Variants in LMBRD1 observed in about 807,000 individuals in gnomAD.
LMBRD1 encodes the protein LMBR1 domain containing 1.
In LMBRD1, 64 loss-of-function variants were observed where a neutral mutation model predicts 74.8. The observed-to-expected ratio is 0.86, with a 90% CI of 0.70 to 1.05. The LOEUF (loss-of-function observed/expected upper bound fraction) is 1.05. LMBRD1 is among the 50% of genes least tolerant of loss of function. The probability of loss-of-function intolerance (pLI) is 0.00; values close to 1 mark genes in which losing one functional copy is unlikely to be tolerated. For missense variants in LMBRD1, 652 were observed against 645.9 expected, an observed-to-expected ratio of 1.01 and a Z score of -0.10; for synonymous variants, 204 against 216.3, an observed-to-expected ratio of 0.94 and a Z score of 0.50.
At chr6:69,686,565 ACTTT>A (rs1033105809) in intron 14 of LMBRD1, among the ~76,000 whole-genome samples, 5 of 152,186 alleles carry the variant, frequency 3.3e-5, no homozygotes, top group Admixed American at 1.3e-4. Context: ...TTAAACAAAT[ACTTT>A]CTAATTAAAA....
rs9446162 is a variant in LMBRD1, at chr6:69,796,524, C to T, written c.69+289G>A. Among the ~76,000 whole-genome samples the T allele has an allele frequency of 3.5e-3, 539 of 152,304 alleles. 6 individuals are homozygous for T. Among genetic ancestry groups the T allele is most frequent in the African/African-American group, 0.012 (511 of 41,552 alleles). ...CCCGAGGGTCTCTTCCGCCCCCAAA[C>T]CCCACCGGCCCCATTGCCCAAGTCA... On this transcript the variant is annotated intron_variant, in intron 1 of 15. Transcript: ENST00000649934.
intron 3 of LMBRD1, 68 bp from the exon 4 acceptor site, chr6:69,752,424 T>C (rs1047956179): frequency 2.3e-5 from 28 of 1,234,512 alleles, no homozygotes; most frequent in Non-Finnish European, 3.2e-5. Flanking sequence ...TATCTATCTA[T>C]ATGTATATAT....
At chr6:69,694,201 C>T (rs1398477687) in intron 14 of LMBRD1, among the ~76,000 whole-genome samples, 2 of 151,886 alleles carry the variant, frequency 1.3e-5, no homozygotes. Flanking sequence ...TTTTAAAGGC[C>T]CCGTTATCAG....
At chr6:69,710,954 T>C (rs908128255) in intron 9 of LMBRD1, among the ~76,000 whole-genome samples, 66 of 152,178 alleles carry the variant, frequency 4.3e-4, no homozygotes, top group Non-Finnish European at 2.9e-5. Context: ...CTCAAGTATT[T>C]ATCCAAAAGA....
chr6:69,689,620 ATT>A (rs1362511282), intron 14 of LMBRD1, among the ~76,000 whole-genome samples: 1 of 152,056 alleles, frequency 6.6e-6, no homozygotes, highest in Non-Finnish European at 1.5e-5. Flanking sequence ...CAAGAGTGAG[ATT>A]TTCCTAAAGC....
intron 14 of LMBRD1, among the ~76,000 whole-genome samples, chr6:69,687,942 T>C (rs1765798213): frequency 6.6e-6 from 1 of 152,192 alleles, no homozygotes; most frequent in Non-Finnish European, 1.5e-5. Flanking sequence ...CTTAGTTATA[T>C]ACTTTCAGAA....
At chr6:69,757,807 C>T (rs1414962772) in intron 3 of LMBRD1, among the ~76,000 whole-genome samples, 1 of 152,104 alleles carries the variant, frequency 6.6e-6, no homozygotes, top group Non-Finnish European at 1.5e-5. Context: ...ATAAAATATG[C>T]TTTTACTTAT....
chr6:69,728,026 G>C lies in LMBRD1; in HGVS notation c.637-8945C>G, dbSNP rs1422614708. On this transcript the variant is annotated intron_variant, in intron 7 of 15. Coordinates refer to ENST00000649934, the MANE Select transcript of LMBRD1 (RefSeq NM_018368.4). ...TGCTATAAAGAACTACCTGAGACTG[G>C]GTAATTTATAAAGAAAAGAGGTTTA... Among the ~76,000 whole-genome samples the C allele has an allele frequency of 2.0e-5, 3 of 152,112 alleles. No individual in the cohort carries two copies. The East Asian group carries it at 5.8e-4, about 29-fold the overall frequency.
At chr6:69,702,232 C>T (rs992683420) in intron 9 of LMBRD1, among the ~76,000 whole-genome samples, 69 of 151,820 alleles carry the variant, frequency 4.5e-4, no homozygotes, top group African/African-American at 1.5e-3. Flanking sequence ...AATACAAAGT[C>T]TTTATTCTAT....
intron 14 of LMBRD1, among the ~76,000 whole-genome samples, chr6:69,681,161 T>C (rs1342079272): frequency 6.6e-6 from 1 of 151,806 alleles, no homozygotes; most frequent in East Asian, 1.9e-4. Context: ...GGAGGGGGGC[T>C]CAGATAATTT....
intron 2 of LMBRD1, among the ~76,000 whole-genome samples, chr6:69,783,528 C>T (rs1365011647): frequency 2.0e-5 from 3 of 152,062 alleles, no homozygotes; most frequent in Non-Finnish European, 4.4e-5. Flanking sequence ...GTGCATGCCA[C>T]CATGCCCAGC....
intron 3 of LMBRD1, among the ~76,000 whole-genome samples, chr6:69,779,693 G>A (rs1765784315): frequency 6.6e-6 from 1 of 152,186 alleles, no homozygotes; most frequent in South Asian, 2.1e-4. Context: ...ACAAAGAAGT[G>A]TTACAAAGTG....
chr6:69,703,560 C>G (rs905564214), intron 9 of LMBRD1, among the ~76,000 whole-genome samples: 2 of 150,524 alleles, frequency 1.3e-5, no homozygotes, highest in African/African-American at 4.9e-5. Flanking sequence ...AGTGACTTAA[C>G]AGAACACAGA....
rs200639044 is a variant in LMBRD1 at position 69,752,286 on chromosome 6, C to G, written c.378G>C (p.Lys126Asn). 129 of 1,610,474 alleles carry G rather than the reference C, an allele frequency of 8.0e-5. 1 individual carries two copies. In the Admixed American group the frequency reaches 2.1e-3, roughly 26 times the overall value. The change falls in exon 4 of 16, where the codon AAG becomes AAC. Residue 126 changes from lysine to asparagine, a missense_variant. This residue lies in a region of LMBRD1 where 598 missense variants were observed against 581.8 expected (regional missense o/e 1.03). Transcript: ENST00000649934. ...IPFVYFYYEE[K>N]DDDDTSKCTQ... ...TACATTTACTAGTATCATCATCATCCTTTTCTTCATAATAGAAGTAGACAA... is the reference window on the plus strand; with the variant it reads ...TACATTTACTAGTATCATCATCATCGTTTTCTTCATAATAGAAGTAGACAA...
chr6:69,701,596 G>T, intron 10 of LMBRD1, 51 bp from the exon 11 acceptor site: 1 of 1,138,680 alleles, frequency 8.8e-7, no homozygotes, highest in Non-Finnish European at 1.3e-6. Flanking sequence ...CAAATTTTCA[G>T]CAAATTTAGA....
chr6:69,742,007 A>G (rs776907888), intron 5 of LMBRD1, 130 bp from the exon 6 acceptor site: 20 of 595,790 alleles, frequency 3.4e-5, no homozygotes, highest in Non-Finnish European at 5.3e-5. Flanking sequence ...GAGGGGAGTG[A>G]AAAGTTTCTT....
intron 11 of LMBRD1, 70 bp downstream of exon 11, chr6:69,701,373 G>C: frequency 8.1e-6 from 7 of 864,304 alleles, no homozygotes. Flanking sequence ...CAGGATGTCA[G>C]AATGTTTGCT....
At chr6:69,749,619 ATAGT>A (rs1331191670) in intron 4 of LMBRD1, among the ~76,000 whole-genome samples, 2 of 151,738 alleles carry the variant, frequency 1.3e-5, no homozygotes, top group Non-Finnish European at 3.0e-5. Context: ...AATCTTTTCA[ATAGT>A]TAGGCCCTTG....
intron 7 of LMBRD1, among the ~76,000 whole-genome samples, chr6:69,723,326 A>G (rs1344379659): frequency 6.6e-6 from 1 of 152,220 alleles, no homozygotes; most frequent in African/African-American, 2.4e-5. Flanking sequence ...TGGACCTAAT[A>G]GACATTTAAA....
Sources: allele counts gnomAD v4.1 joint callset (sites outside exome capture counted in the v4.1 genomes callset), GRCh38; gene constraint gnomAD v4.1.1; regional missense constraint gnomAD v4.1.1; transcripts MANE v1.5; gene names NCBI Gene and HGNC (gene_info 2026-07-23, HGNC 2026-07-21).